ANO6: variants seen among roughly 807,000 people sequenced by gnomAD.
ANO6 encodes the protein anoctamin 6.
Under a neutral mutation model 117.5 loss-of-function variants are expected in ANO6, and 106 were observed. The ratio of observed to expected loss-of-function variants is 0.90; its 90% CI spans 0.77 to 1.06. The LOEUF is 1.06. ANO6 is among the 50% of genes least tolerant of loss of function. ANO6 has a pLI of 0.00. For synonymous variants in ANO6, 367 were observed against 385.1 expected (o/e 0.95, Z 0.55); for missense variants, 955 against 1,121.1 (o/e 0.85, Z 2.12).
At chr12:45,376,595 C>G (rs1334627344) in intron 9 of ANO6, among the ~76,000 whole-genome samples, 3 of 147,146 alleles carry the variant, frequency 2.0e-5, no homozygotes, top group Admixed American at 6.8e-5. Context: ...AGTAAACTAT[C>G]GCAAGAACAA....
At chr12:45,432,394 A>T (rs1943655277), downstream of ANO6, 2 of 681,222 alleles carry the variant, frequency 2.9e-6, no homozygotes, top group Non-Finnish European at 3.6e-6. Flanking sequence ...TAAGGAAGAG[A>T]ACATATATCT....
chr12:45,266,805 A>ATGTGTGT (rs113415310), intron 1 of ANO6, among the ~76,000 whole-genome samples: 1 of 145,658 alleles, frequency 6.9e-6, no homozygotes, highest in South Asian at 2.2e-4. Flanking sequence ...TCAAAAAACA[A>ATGTGTGT]GTGTGTGTGT....
intron 1 of ANO6, among the ~76,000 whole-genome samples, chr12:45,274,637 G>T (rs1163727179): frequency 1.3e-5 from 2 of 151,902 alleles, no homozygotes; most frequent in Non-Finnish European, 2.9e-5. Flanking sequence ...ACTGTCTGTA[G>T]TGGCTTCTCT....
At chr12:45,266,703 A>C (rs966048973) in intron 1 of ANO6, among the ~76,000 whole-genome samples, 1 of 152,172 alleles carries the variant, frequency 6.6e-6, no homozygotes, top group African/African-American at 2.4e-5. Flanking sequence ...AGGCTGAGGC[A>C]GGAGGATTGC....
intron 1 of ANO6, among the ~76,000 whole-genome samples, chr12:45,249,053 A>G (rs1947865602): frequency 6.6e-6 from 1 of 152,246 alleles, no homozygotes; most frequent in Admixed American, 6.5e-5. Context: ...TAAAATCATC[A>G]TAATATGTGT....
At chr12:45,394,613 AT>A (rs1262477372) in intron 12 of ANO6, among the ~76,000 whole-genome samples, 1 of 152,238 alleles carries the variant, frequency 6.6e-6, no homozygotes, top group Non-Finnish European at 1.5e-5. Context: ...TCCTCAGCAA[AT>A]GTGAAAGAAC....
rs1325838910 is a variant in ANO6 at position 45,431,595 on chromosome 12, C to T, written c.*2284C>T. On this transcript the variant is annotated 3_prime_UTR_variant, in exon 20 of 20. Transcript: ENST00000320560. ...TGTAATATCTGACACTGTTAAGATG[C>T]CCAAAAGAGCAAAGTTGTAGTGGAG... 2 of 985,280 alleles carry T rather than the reference C, an allele frequency of 2.0e-6. No individual in the cohort carries two copies. Among genetic ancestry groups the T allele is most frequent in the Admixed American group, 6.2e-5 (1 of 16,244 alleles). 61.0% of individuals were successfully genotyped at this position (985,280 alleles called of 1,614,324 possible).
chr12:45,347,631 G>A lies in ANO6; in HGVS notation c.346-397G>A, dbSNP rs17121366. 7.0e-3 allele frequency: 1,471 copies of A among 209,526 alleles called. 27 individuals are homozygous for A. The highest frequency in any genetic ancestry group is 0.036 in the East Asian group (292 of 8,006). The allele number at this position is 209,526 out of a possible 1,614,324, so 13.0% of individuals were successfully genotyped here. On this transcript the variant is annotated intron_variant, in intron 4 of 19. Coordinates refer to ENST00000320560, the MANE Select transcript of ANO6 (RefSeq NM_001025356.3). Reference sequence around the variant, plus strand: ...TTTAACAGCCACATAATATGATATTGAACAGATAGACAATAAGTTCATTCG... The same window carrying A: ...TTTAACAGCCACATAATATGATATTAAACAGATAGACAATAAGTTCATTCG...
At chr12:45,270,410 A>C (rs1938356271) in intron 1 of ANO6, 1 of 1,512,110 alleles carries the variant, frequency 6.6e-7, no homozygotes, top group Admixed American at 2.1e-5. Flanking sequence ...GCAGCCTAAC[A>C]CCATCCCTTA....
Position 45,432,288 on chromosome 12 carries a change from C to CTGTGCATTTTAATATTCTTTTATAAT in ANO6, c.*2979_*3004dup, listed in dbSNP as rs1565780604. On this transcript the variant is annotated 3_prime_UTR_variant, in exon 20 of 20. Transcript: ENST00000320560. ...CTTTTATAATTATTAATGTTAATTT[C>CTGTGCATTTTAATATTCTTTTATAAT]TGTGCATTTTAATATTCTTTTATAA... 2.2e-6 allele frequency: 2 copies of CTGTGCATTTTAATATTCTTTTATAAT among 926,354 alleles called. No homozygotes were observed. The highest frequency in any genetic ancestry group is 3.6e-5 in the African/African-American group (2 of 55,716). 57.4% of individuals were successfully genotyped at this position (926,354 alleles called of 1,614,324 possible).
intron 1 of ANO6, among the ~76,000 whole-genome samples, chr12:45,225,038 A>G (rs575774056): frequency 1.2e-4 from 18 of 152,272 alleles, no homozygotes; most frequent in African/African-American, 4.3e-4. Flanking sequence ...AAAAACTGCA[A>G]AAATCAGTTG....
chr12:45,368,223 A>T (rs190238368), intron 9 of ANO6, among the ~76,000 whole-genome samples: 2 of 152,068 alleles, frequency 1.3e-5, no homozygotes, highest in Admixed American at 6.6e-5. Context: ...CTAATCCAAA[A>T]CTCCAAAATC....
intron 1 of ANO6, among the ~76,000 whole-genome samples, chr12:45,232,658 CAG>C (rs539440107): frequency 2.6e-5 from 4 of 152,190 alleles, no homozygotes; most frequent in Non-Finnish European, 5.9e-5. Context: ...CAGTCGTACT[CAG>C]GGAATTCACC....
intron 3 of ANO6, among the ~76,000 whole-genome samples, chr12:45,342,924 G>T (rs1383485097): frequency 6.6e-6 from 1 of 152,158 alleles, no homozygotes; most frequent in Non-Finnish European, 1.5e-5. Context: ...CTCAAGAAGA[G>T]AGATGAAAGG....
In ANO6 at chr12:45,410,406, A is replaced by G. The variant is rs551857383; in HGVS notation, c.2011+919A>G. Among the ~76,000 whole-genome samples the G allele has an allele frequency of 6.0e-4, 92 of 152,224 alleles. 1 individual carries two copies. The highest frequency in any genetic ancestry group is 6.8e-3 in the Middle Eastern group (2 of 294). On this transcript the variant is annotated intron_variant, in intron 16 of 19. Transcript: ENST00000320560. Reference sequence around the variant, plus strand: ...ATTTAGCACAGGTCCTCTCTTTCCTAAATGCCTTGGTCCATTTTTATATTA... The same window carrying G: ...ATTTAGCACAGGTCCTCTCTTTCCTGAATGCCTTGGTCCATTTTTATATTA...
At chr12:45,244,556 C>G (rs1947796745) in intron 1 of ANO6, among the ~76,000 whole-genome samples, 1 of 152,060 alleles carries the variant, frequency 6.6e-6, no homozygotes, top group African/African-American at 2.4e-5. Context: ...TTAAGGGGTC[C>G]TTGATCCAAA....
intron 1 of ANO6, among the ~76,000 whole-genome samples, chr12:45,265,901 G>A (rs1278474919): frequency 1.3e-5 from 2 of 152,238 alleles, no homozygotes; most frequent in Non-Finnish European, 2.9e-5. Flanking sequence ...GCTGGCAGAT[G>A]CCTACTATTT....
At chr12:45,223,005 A>G (rs1947428662) in intron 1 of ANO6, among the ~76,000 whole-genome samples, 1 of 152,250 alleles carries the variant, frequency 6.6e-6, no homozygotes, top group East Asian at 1.9e-4. Context: ...GGATAGCTGA[A>G]CAGTGGAGGT....
chr12:45,436,474 T>G (rs1214573977), downstream of ANO6, among the ~76,000 whole-genome samples: 1 of 152,202 alleles, frequency 6.6e-6, no homozygotes, highest in African/African-American at 2.4e-5. Flanking sequence ...CTACTTGGCG[T>G]CATTATGAAG....
Sources: allele counts gnomAD v4.1 joint callset (sites outside exome capture counted in the v4.1 genomes callset), GRCh38; gene constraint gnomAD v4.1.1; transcripts MANE v1.5; gene names NCBI Gene and HGNC (gene_info 2026-07-23, HGNC 2026-07-21).